The following FRMPD4 variants were observed in gnomAD, a reference collection of about 807,000 sequenced individuals.
FRMPD4 encodes the protein FERM and PDZ domain-containing protein 4.
Under a neutral mutation model 94.1 loss-of-function variants are expected in FRMPD4, and 22 were observed. That is an observed-to-expected ratio of 0.23 (90% CI 0.17 to 0.33). FRMPD4 has a LOEUF of 0.33. Among genes scored for constraint, FRMPD4 ranks in the 10% least tolerant of loss-of-function variants. FRMPD4 has a pLI of 1.00. For missense variants in FRMPD4, 1,111 were observed against 1,339.9 expected (o/e 0.83, Z 2.67); for synonymous variants, 631 against 548.6 (o/e 1.15, Z -2.10).
intron 3 of FRMPD4, among the ~76,000 whole-genome samples, chrX:11,998,058 A>G (rs1426369378): frequency 1.8e-5 from 2 of 111,373 alleles, no homozygotes; most frequent in African/African-American, 3.3e-5. Context: ...CCTATTTCCA[A>G]TTCATCATGA....
chrX:12,444,356 G>A (rs1165067065), intron 1 of FRMPD4, among the ~76,000 whole-genome samples: 1 of 111,470 alleles, frequency 9.0e-6, no homozygotes, highest in African/African-American at 3.3e-5. Flanking sequence ...GAATAAAGGG[G>A]GTGGTAAGCT....
intron 1 of FRMPD4, among the ~76,000 whole-genome samples, chrX:12,270,926 A>G (rs994386729): frequency 8.9e-6 from 1 of 112,080 alleles, no homozygotes; most frequent in Non-Finnish European, 1.9e-5. Context: ...TGAAGAGTAC[A>G]TGGGAACTTT....
At chrX:12,470,558 G>T (rs1359391876) in intron 1 of FRMPD4, among the ~76,000 whole-genome samples, 1 of 111,823 alleles carries the variant, frequency 8.9e-6, no homozygotes, top group Non-Finnish European at 1.9e-5. Context: ...ACGTCTTTGT[G>T]GCTAGGCTCA....
chrX:12,360,189 G>C (rs1312009621), intron 1 of FRMPD4, among the ~76,000 whole-genome samples: 3 of 112,084 alleles, frequency 2.7e-5, no homozygotes, highest in Non-Finnish European at 5.6e-5. Flanking sequence ...AAAGGAATTT[G>C]ATATTTTAGG....
intron 4 of FRMPD4, among the ~76,000 whole-genome samples, chrX:12,639,333 A>G (rs2059472273): frequency 8.9e-6 from 1 of 112,355 alleles, no homozygotes; most frequent in Non-Finnish European, 1.9e-5. Flanking sequence ...CTTTAATTTG[A>G]CTAATTAAAC....
At chrX:12,527,919 G>A (rs543900932) in intron 2 of FRMPD4, among the ~76,000 whole-genome samples, 2 of 112,174 alleles carry the variant, frequency 1.8e-5, no homozygotes, top group Admixed American at 9.5e-5. Flanking sequence ...AAATTGAAAT[G>A]TTCTCTCATG....
At chrX:12,497,053 G>T (rs866977213) in intron 1 of FRMPD4, among the ~76,000 whole-genome samples, 12 of 111,329 alleles carry the variant, frequency 1.1e-4, no homozygotes, top group African/African-American at 3.9e-4. Context: ...TTCATGGAGG[G>T]GAAGAAGAAT....
chrX:12,138,933 C>A lies in FRMPD4; in HGVS notation c.-39C>A. 2 of 1,106,931 alleles carry A rather than the reference C, an allele frequency of 1.8e-6. No homozygotes were observed. Among genetic ancestry groups the A allele is most frequent in the Non-Finnish European group, 2.4e-6 (2 of 832,990 alleles). 91.2% of individuals were successfully genotyped at this position (1,106,931 alleles called of 1,213,427 possible). On this transcript the variant is annotated 5_prime_UTR_variant, in exon 1 of 17. Transcript: ENST00000675598. ...CTGCTGTTGCTGGCGTGAGAAGGGG[C>A]GACGGAGTTGTCGCGCTCGGGGGTC...
chrX:11,872,600 G>A (rs1032912388), intron 2 of FRMPD4, among the ~76,000 whole-genome samples: 3 of 112,218 alleles, frequency 2.7e-5, no homozygotes, highest in Non-Finnish European at 5.6e-5. Context: ...TAACACAAAA[G>A]TAGAGCCAAC....
At chrX:12,510,041 C>A (rs2058027259) in intron 2 of FRMPD4, among the ~76,000 whole-genome samples, 1 of 111,980 alleles carries the variant, frequency 8.9e-6, no homozygotes, top group African/African-American at 3.3e-5. Context: ...TCACTTTTCT[C>A]ATTATACAAC....
At chrX:12,153,231 C>T (rs904129524) in intron 1 of FRMPD4, among the ~76,000 whole-genome samples, 12 of 111,718 alleles carry the variant, frequency 1.1e-4, no homozygotes, top group Non-Finnish European at 2.3e-4. Context: ...CCACCGCGAG[C>T]TTATACATTT....
chrX:11,971,390 G>T (rs994511999), intron 3 of FRMPD4, among the ~76,000 whole-genome samples: 2 of 112,450 alleles, frequency 1.8e-5, no homozygotes, highest in Non-Finnish European at 3.8e-5. Context: ...TATTATTTAT[G>T]TGAAAACACA....
chrX:12,028,418 G>A (rs975548032), intron 3 of FRMPD4, among the ~76,000 whole-genome samples: 3 of 110,984 alleles, frequency 2.7e-5, no homozygotes, highest in South Asian at 3.9e-4. Flanking sequence ...CATAGCCTTC[G>A]CCATTATCAG....
chrX:11,927,478 C>T (rs1256146303), intron 3 of FRMPD4, among the ~76,000 whole-genome samples: 1 of 111,828 alleles, frequency 8.9e-6, no homozygotes, highest in East Asian at 2.8e-4. Context: ...GGAGGCATCA[C>T]ACTACCCAAC....
At chrX:12,388,658 A>G (rs1256290811) in intron 1 of FRMPD4, among the ~76,000 whole-genome samples, 5 of 105,274 alleles carry the variant, frequency 4.7e-5, no homozygotes, top group Non-Finnish European at 9.7e-5. Flanking sequence ...TGATATAGCA[A>G]TCCCACCCCC....
intron 9 of FRMPD4, among the ~76,000 whole-genome samples, chrX:12,696,497 CA>C (rs1303239159): frequency 9.5e-5 from 10 of 104,808 alleles, no homozygotes; most frequent in Non-Finnish European, 1.7e-4. Context: ...AGACATCTAG[CA>C]GTAGAACTAA....
At chrX:12,691,553 C>T (rs2060080742) in intron 8 of FRMPD4, among the ~76,000 whole-genome samples, 1 of 111,512 alleles carries the variant, frequency 9.0e-6, no homozygotes, top group Non-Finnish European at 1.9e-5. Context: ...TTTTATGCTT[C>T]ATTACAGGGG....
At chrX:11,898,297 C>T (rs1375218344) in intron 3 of FRMPD4, among the ~76,000 whole-genome samples, 1 of 111,673 alleles carries the variant, frequency 9.0e-6, no homozygotes, top group Non-Finnish European at 1.9e-5. Flanking sequence ...ACTCTATGGA[C>T]AGGGGTGGAA....
intron 1 of FRMPD4, among the ~76,000 whole-genome samples, chrX:12,165,378 C>T (rs2056098263): frequency 1.8e-5 from 2 of 111,741 alleles, no homozygotes; most frequent in African/African-American, 6.5e-5. Flanking sequence ...GGCATTATTT[C>T]TGAGGGCTCT....
Sources: gnomAD v4.1 joint callset for allele counts (sites outside exome capture counted in the v4.1 genomes callset) on GRCh38, gnomAD v4.1.1 for gene constraint, MANE v1.5 for transcripts, NCBI Gene and HGNC (gene_info 2026-07-23, HGNC 2026-07-21) for gene names.